GPHN: variants seen among roughly 807,000 people sequenced by gnomAD.
GPHN encodes gephyrin.
In GPHN, 17 loss-of-function variants were observed where a neutral mutation model predicts 95.5. That is an observed-to-expected ratio of 0.18 (90% confidence interval 0.12 to 0.27). GPHN has a LOEUF of 0.27. GPHN is among the 10% of genes least tolerant of loss of function. The probability of loss-of-function intolerance (pLI) is 1.00; values close to 1 mark genes in which losing one functional copy is unlikely to be tolerated. For synonymous variants in GPHN, 320 were observed against 322.5 expected, an observed-to-expected ratio of 0.99 and a Z score of 0.08; for missense variants, 660 against 978.1, an observed-to-expected ratio of 0.67 and a Z score of 4.34.
the GPHN span, among the ~76,000 whole-genome samples, chr14:67,619,626 G>T: frequency 1.3e-5 from 2 of 152,262 alleles, no homozygotes; most frequent in Non-Finnish European, 2.9e-5. Flanking sequence ...TGGGCCGGCC[G>T]CCTCCCGCGA....
chr14:66,631,227 T>TC (rs1249592440), intron 1 of GPHN, among the ~76,000 whole-genome samples: 2 of 151,990 alleles, frequency 1.3e-5, no homozygotes, highest in African/African-American at 4.8e-5. Flanking sequence ...TTTTGTATTT[T>TC]CAATAGAGAC....
At chr14:67,398,977 C>A in the GPHN span, among the ~76,000 whole-genome samples, 1 of 152,184 alleles carries the variant, frequency 6.6e-6, no homozygotes, top group Non-Finnish European at 1.5e-5. Flanking sequence ...TTGTTTGTAA[C>A]TGAGGTTGTT....
the GPHN span, among the ~76,000 whole-genome samples, chr14:67,503,070 G>A: frequency 2.8e-4 from 42 of 152,226 alleles, no homozygotes; most frequent in South Asian, 2.7e-3. Context: ...GCAGATAACC[G>A]CACGCTAACA....
intron 3 of GPHN, among the ~76,000 whole-genome samples, chr14:66,817,345 A>G (rs1342028446): frequency 1.3e-5 from 2 of 152,136 alleles, no homozygotes; most frequent in Non-Finnish European, 1.5e-5. Flanking sequence ...CTTTGTGCCA[A>G]TTTATTTAAA....
At chr14:67,142,227 G>C (rs1296993043) in intron 17 of GPHN, among the ~76,000 whole-genome samples, 1 of 152,138 alleles carries the variant, frequency 6.6e-6, no homozygotes, top group Non-Finnish European at 1.5e-5. Context: ...TCCTCAAAAA[G>C]TATATTTTCT....
chr14:66,827,388 C>A (rs1028960291), intron 4 of GPHN, among the ~76,000 whole-genome samples: 1 of 151,864 alleles, frequency 6.6e-6, no homozygotes, highest in African/African-American at 2.4e-5. Flanking sequence ...TTTATGAGTT[C>A]TATAATAAGT....
At chr14:66,588,846 A>T (rs990334622) in intron 1 of GPHN, among the ~76,000 whole-genome samples, 1 of 152,166 alleles carries the variant, frequency 6.6e-6, no homozygotes, top group Non-Finnish European at 1.5e-5. Context: ...CAACCTAGCA[A>T]GACAGGCCAA....
the GPHN span, among the ~76,000 whole-genome samples, chr14:67,411,136 CA>C: frequency 8.1e-3 from 420 of 52,082 alleles, no homozygotes; most frequent in African/African-American, 0.016. Flanking sequence ...GACCCTGTCT[CA>C]AAAAAAAAAA....
intron 5 of GPHN, among the ~76,000 whole-genome samples, chr14:66,882,198 G>A (rs1028331040): frequency 1.3e-5 from 2 of 151,690 alleles, no homozygotes; most frequent in African/African-American, 4.8e-5. Context: ...CTTAAAGACA[G>A]GAGCTTTATC....
At chr14:67,008,917 G>A (rs1191709094) in intron 9 of GPHN, among the ~76,000 whole-genome samples, 4 of 152,088 alleles carry the variant, frequency 2.6e-5, no homozygotes, top group Non-Finnish European at 4.4e-5. Flanking sequence ...CAGATCAGGG[G>A]TTATATTTGT....
chr14:66,758,236 T>C lies in GPHN; in HGVS notation c.144-18228T>C, dbSNP rs1595805526. On this transcript the variant is annotated intron_variant, in intron 2 of 22. Transcript: ENST00000478722. ...CCAGTCCAAAGGTTAAACTTGTAGC[T>C]TGGCTTTCAGGCTTTAAACTGTCTT... 4.6e-5 allele frequency among the ~76,000 whole-genome samples: 7 copies of C among 152,322 alleles called. No homozygotes were observed. In the South Asian group the frequency reaches 1.4e-3, roughly 32 times the overall value.
intron 5 of GPHN, among the ~76,000 whole-genome samples, chr14:66,911,821 C>CA (rs1433085579): frequency 2.0e-5 from 3 of 151,796 alleles, no homozygotes; most frequent in African/African-American, 7.3e-5. Context: ...ATTAAACTTT[C>CA]AAAAAAATTG....
At chr14:67,392,902 G>C in the GPHN span, 1 of 1,457,974 alleles carries the variant, frequency 6.9e-7, no homozygotes, top group Non-Finnish European at 9.4e-7. Flanking sequence ...GCGTCCTTGG[G>C]GTGTGTGGCC....
chr14:67,239,682 C>A, the GPHN span, among the ~76,000 whole-genome samples: 1 of 152,102 alleles, frequency 6.6e-6, no homozygotes, highest in Non-Finnish European at 1.5e-5. Context: ...GTGGCGAAAC[C>A]CCGTCTCTAC....
the GPHN span, among the ~76,000 whole-genome samples, chr14:67,341,612 C>T: frequency 5.3e-5 from 8 of 152,072 alleles, no homozygotes; most frequent in Middle Eastern, 3.4e-3. Flanking sequence ...AGGTGAGGGG[C>T]GCCTCTGCCC....
the GPHN span, among the ~76,000 whole-genome samples, chr14:67,698,460 A>G: frequency 1.3e-5 from 2 of 152,128 alleles, no homozygotes; most frequent in Admixed American, 6.6e-5. Context: ...GCAAAAACCT[A>G]TCTAAAAGCA....
the GPHN span, chr14:67,201,892 T>C: frequency 5.1e-5 from 9 of 178,208 alleles, no homozygotes; most frequent in African/African-American, 2.2e-4. Flanking sequence ...TCCAGTCTCT[T>C]CTTCTACCAA....
At chr14:67,497,255 G>A in the GPHN span, among the ~76,000 whole-genome samples, 7 of 152,140 alleles carry the variant, frequency 4.6e-5, no homozygotes, top group African/African-American at 7.2e-5. Context: ...CATCCGTCCC[G>A]AGGTTAGGCC....
chr14:67,578,664 GA>G, the GPHN span: 1 of 1,332,882 alleles, frequency 7.5e-7, no homozygotes, highest in Non-Finnish European at 1.1e-6. This position sits in a 1 kb window ranked among gnomAD's most constrained non-coding sequence, Gnocchi z 5.0. Context: ...TCTGCCACTT[GA>G]GCACTGCCAA....
Sources: gnomAD v4.1 joint callset for allele counts (sites outside exome capture counted in the v4.1 genomes callset) on GRCh38, gnomAD v4.1.1 for gene constraint, Gnocchi (gnomAD v3.1) non-coding constraint, MANE v1.5 for transcripts, NCBI Gene and HGNC (gene_info 2026-07-23, HGNC 2026-07-21) for gene names.